The following BRDT variants were observed in gnomAD, a reference collection of about 807,000 sequenced individuals.
The protein encoded by BRDT is bromodomain testis-specific protein.
BRDT carries 77 observed loss-of-function variants against 113.9 expected under a neutral mutation model. The observed-to-expected ratio is 0.68, with a 90% confidence interval of 0.56 to 0.82. BRDT has a LOEUF of 0.82. Among genes scored for constraint, BRDT ranks in the 40% least tolerant of loss-of-function variants. The pLI, the probability that BRDT is intolerant of heterozygous loss-of-function variation, is 0.00. For synonymous variants in BRDT, 358 were observed against 366.5 expected (o/e 0.98, Z 0.26); for missense variants, 1,027 against 1,105.4 (o/e 0.93, Z 1.01).
chr1:91,981,617 G>A lies in BRDT; in HGVS notation c.1865-1G>A. The A allele has an allele frequency of 6.2e-7, 1 of 1,611,844 alleles. No individual in the cohort carries two copies. Among genetic ancestry groups the A allele is most frequent in the Non-Finnish European group, 8.5e-7 (1 of 1,179,374 alleles). ...TTTTAATATGTTTCTCTGTTTTGTA[G>A]CTGATAAAACGCAACCATCCAAAGC... is the stretch of plus-strand genomic sequence containing the variant. On this transcript the variant is annotated splice_acceptor_variant, in intron 11 of 18. Coordinates refer to ENST00000399546, the MANE Select transcript of BRDT (RefSeq NM_207189.4). LOFTEE classifies it high-confidence loss of function.
At position 91,981,724 on chromosome 1, in the gene BRDT, A is replaced by T; in HGVS notation, c.1971A>T (p.Leu657Phe). ...AGTCTGAAAGTAGCAGCAGTGACTT[A>T]AGCTCTTCAGACAGCAGTGATTCTG... Reference protein sequence around the residue: ...SSESESSSSDLSSSDSSDSES... With the variant: ...SSESESSSSDFSSSDSSDSES... Residue 657 changes from leucine (L) to phenylalanine (F), a missense_variant, in exon 12 of 19, where the codon TTA (leucine) becomes TTT (phenylalanine). By Grantham distance (22) the Leu-to-Phe change is conservative. Coordinates refer to ENST00000399546, the MANE Select transcript of BRDT (RefSeq NM_207189.4). 1 of 1,614,006 alleles carries T rather than the reference A, an allele frequency of 6.2e-7. No homozygotes were observed. The highest frequency in any genetic ancestry group is 8.5e-7 in the Non-Finnish European group (1 of 1,179,926).
rs550385867 is a variant in BRDT, at chr1:91,951,496, T to TA, written c.-38+1823dup. 1.8e-3 allele frequency among the ~76,000 whole-genome samples: 276 copies of TA among 149,734 alleles called. 2 individuals are homozygous for TA. The South Asian group carries it at 0.022, about 12-fold the overall frequency. Reference sequence around the variant, plus strand: ...GCGGGGGGGCGTGTATAGATGGAATTAAAAAAAAAGAAAAAAAAGGCTGGG... The same window carrying TA: ...GCGGGGGGGCGTGTATAGATGGAATTAAAAAAAAAAGAAAAAAAAGGCTGGG... On this transcript the variant is annotated intron_variant, in intron 1 of 18. Coordinates refer to ENST00000399546, the MANE Select transcript of BRDT (RefSeq NM_207189.4).
intron 1 of BRDT, among the ~76,000 whole-genome samples, chr1:91,961,912 C>CT (rs1317458611): frequency 3.3e-5 from 5 of 151,938 alleles, no homozygotes; most frequent in Non-Finnish European, 7.4e-5. Flanking sequence ...AATCCCAGCA[C>CT]TTTGGGAGGC....
At chr1:91,998,138 C>T (rs1306736618) in intron 15 of BRDT, among the ~76,000 whole-genome samples, 1 of 152,144 alleles carries the variant, frequency 6.6e-6, no homozygotes, top group Non-Finnish European at 1.5e-5. Flanking sequence ...ATAGTTTACC[C>T]TTTCCCCTTC....
intron 1 of BRDT, chr1:91,950,323 G>GCCTGTAGT (rs1290023208): frequency 6.6e-6 from 1 of 152,416 alleles, no homozygotes; most frequent in African/African-American, 2.4e-5. Flanking sequence ...GATGGCAGGC[G>GCCTGTAGT]CCTGTAGTCC....
chr1:91,983,991 T>C (rs1684968996), intron 12 of BRDT, among the ~76,000 whole-genome samples: 1 of 152,240 alleles, frequency 6.6e-6, no homozygotes, highest in African/African-American at 2.4e-5. Flanking sequence ...GTTTTTATAT[T>C]TGAACCTACA....
intron 18 of BRDT, among the ~76,000 whole-genome samples, chr1:92,010,890 T>C (rs144516055): frequency 1.3e-5 from 2 of 152,322 alleles, no homozygotes; most frequent in East Asian, 3.9e-4. Context: ...TCTTTGTGAA[T>C]AGTGTTTTTC....
intron 1 of BRDT, chr1:91,952,100 A>G (rs561883157): frequency 6.6e-6 from 1 of 152,358 alleles, no homozygotes; most frequent in South Asian, 2.1e-4. Context: ...TAGGTGCTTT[A>G]TGTTAGTACA....
chr1:91,953,360 T>G (rs1190297404), intron 1 of BRDT, among the ~76,000 whole-genome samples: 1 of 152,140 alleles, frequency 6.6e-6, no homozygotes. Context: ...AATAACTGAT[T>G]ACAGTTAGTA....
intron 1 of BRDT, among the ~76,000 whole-genome samples, chr1:91,957,847 T>C (rs1681964143): frequency 6.6e-6 from 1 of 152,132 alleles, no homozygotes; most frequent in African/African-American, 2.4e-5. Context: ...TGTTTTTTGT[T>C]TTTGTTTTTG....
chr1:91,952,959 TTTATTA>T (rs997076738), intron 1 of BRDT, among the ~76,000 whole-genome samples: 1 of 152,100 alleles, frequency 6.6e-6, no homozygotes, highest in Non-Finnish European at 1.5e-5. Context: ...TCTTTTTTTC[TTTATTA>T]TTATACTTTA....
intron 1 of BRDT, chr1:91,950,516 G>C (rs1235106943): frequency 6.6e-6 from 1 of 152,172 alleles, no homozygotes; most frequent in Non-Finnish European, 1.5e-5. Context: ...AGGCCTGGGT[G>C]GATGGGAGGG....
intron 12 of BRDT, among the ~76,000 whole-genome samples, chr1:91,986,001 G>A (rs954965902): frequency 6.6e-6 from 1 of 152,164 alleles, no homozygotes; most frequent in Non-Finnish European, 1.5e-5. Flanking sequence ...ATTTTAATGT[G>A]ATTTGGTTTT....
rs3088232 is a variant in BRDT at position 91,979,700 on chromosome 1, C to G, written c.1230C>G (p.Asn410Lys). 0.23 allele frequency: 375,390 copies of G among 1,612,400 alleles called. 46,807 individuals are homozygous for G. Among genetic ancestry groups the G allele is most frequent in the Middle Eastern group, 0.26 (1,548 of 6,058 alleles). The change falls in exon 8 of 19, where the codon AAC (asparagine) becomes AAG (lysine). Residue 410 changes from asparagine (N) to lysine (K), a missense_variant. Physicochemically the swap from Asn to Lys is moderately conservative, Grantham distance 94. Coordinates refer to ENST00000399546, the MANE Select transcript of BRDT (RefSeq NM_207189.4). The stretch of plus-strand genomic sequence containing the variant: ...CTAATGAAGCCTCCTCTGAAGGGAA[C>G]TCTTCTGATGATTCTGAAGATGAGC... The part of the protein sequence containing the change: ...ENTNEASSEG[N>K]SSDDSEDERV...
At position 91,980,942 on chromosome 1, in the gene BRDT, A is replaced by G. The variant is rs372162636; in HGVS notation, c.1514A>G (p.Asp505Gly). 9 of 1,613,048 alleles carry G rather than the reference A, an allele frequency of 5.6e-6. No homozygotes were observed. The African/African-American group carries it at 1.1e-4, about 19-fold the overall frequency. Residue 505 changes from aspartate to glycine, a missense_variant, in exon 10 of 19, where the codon GAT becomes GGT. Physicochemically the swap from Asp to Gly is moderately conservative, Grantham distance 94. Transcript: ENST00000399546. Reference sequence around the variant, plus strand: ...ATTGGTCTAAAATCTGAAGATGAAGATAATGCTAAACCTATGAACTATGAT... The same window carrying G: ...ATTGGTCTAAAATCTGAAGATGAAGGTAATGCTAAACCTATGAACTATGAT... ...QFIGLKSEDEDNAKPMNYDEK... is the reference protein window; with the variant it reads ...QFIGLKSEDEGNAKPMNYDEK...
chr1:91,955,115 C>T (rs1317567046), intron 1 of BRDT, among the ~76,000 whole-genome samples: 1 of 152,006 alleles, frequency 6.6e-6, no homozygotes, highest in African/African-American at 2.4e-5. Flanking sequence ...TTAAATTAAC[C>T]AGCATGTTTA....
Position 91,978,349 on chromosome 1 carries a change from C to T in BRDT, c.1098+53C>T, listed in dbSNP as rs1428613231. On this transcript the variant is annotated intron_variant, in intron 7 of 18. Coordinates refer to ENST00000399546, the MANE Select transcript of BRDT (RefSeq NM_207189.4). ...GTTTTTCCTCTGAACATAGTTGAAA[C>T]GTTTTTTAGAACCATAATGTAAGAG... 2.5e-6 allele frequency: 4 copies of T among 1,587,814 alleles called. No individual in the cohort carries two copies. In the Admixed American group the frequency reaches 5.4e-5, roughly 22 times the overall value.
intron 3 of BRDT, among the ~76,000 whole-genome samples, chr1:91,967,433 T>G (rs939019216): frequency 4.7e-5 from 7 of 150,278 alleles, no homozygotes; most frequent in African/African-American, 1.7e-4. Context: ...AGTTTTGCTC[T>G]TGTTGCCCAG....
intron 1 of BRDT, among the ~76,000 whole-genome samples, chr1:91,955,976 A>G (rs1325262578): frequency 1.3e-5 from 2 of 152,222 alleles, no homozygotes; most frequent in Non-Finnish European, 2.9e-5. Flanking sequence ...ACAGAAAGGT[A>G]AAATAGTACA....
Sources: gnomAD v4.1 joint callset for allele counts (sites outside exome capture counted in the v4.1 genomes callset) on GRCh38, gnomAD v4.1.1 for gene constraint, MANE v1.5 for transcripts, NCBI Gene and HGNC (gene_info 2026-07-23, HGNC 2026-07-21) for gene names.